The following NRXN3 variants were observed in gnomAD, a reference collection of about 807,000 sequenced individuals.
The protein encoded by NRXN3 is neurexin III.
NRXN3 carries 32 observed loss-of-function variants against 137.6 expected under a neutral mutation model. The observed-to-expected ratio is 0.23, with a 90% confidence interval of 0.18 to 0.31. The LOEUF is 0.31. Ranked by LOEUF, NRXN3 falls within the 10% of genes least tolerant of loss-of-function variation. The pLI is 1.00. For synonymous variants in NRXN3, 798 were observed against 784.5 expected, an observed-to-expected ratio of 1.02 and a Z score of -0.29; for missense variants, 1,574 against 2,062.5, an observed-to-expected ratio of 0.76 and a Z score of 4.59.
chr14:79,012,426 A>T (rs138312733), intron 15 of NRXN3, among the ~76,000 whole-genome samples: 2 of 152,200 alleles, frequency 1.3e-5, no homozygotes, highest in African/African-American at 4.8e-5. Context: ...CTTTAGGCCC[A>T]TGGTGATTAT....
At chr14:79,631,599 G>A (rs570031845) in intron 16 of NRXN3, among the ~76,000 whole-genome samples, 11 of 152,256 alleles carry the variant, frequency 7.2e-5, no homozygotes, top group Admixed American at 2.0e-4. Flanking sequence ...CGGAGTGCCC[G>A]TGCTAGGTTC....
chr14:79,808,012 A>G (rs2099215284), intron 20 of NRXN3, among the ~76,000 whole-genome samples: 1 of 151,948 alleles, frequency 6.6e-6, no homozygotes, highest in Middle Eastern at 3.2e-3. Flanking sequence ...TTCATTACAT[A>G]AGAAATATCT....
intron 15 of NRXN3, among the ~76,000 whole-genome samples, chr14:79,385,208 C>CT (rs945654919): frequency 2.1e-5 from 2 of 94,386 alleles, no homozygotes; most frequent in Admixed American, 2.5e-4. Context: ...TATCCTTCCC[C>CT]CCGCCCCCAC....
intron 15 of NRXN3, among the ~76,000 whole-genome samples, chr14:79,284,320 A>G (rs962714893): frequency 3.7e-5 from 5 of 133,736 alleles, no homozygotes; most frequent in Non-Finnish European, 7.9e-5. Context: ...CAACATGGGG[A>G]AACCCCGTCT....
chr14:78,449,596 C>T (rs540709820), intron 4 of NRXN3, among the ~76,000 whole-genome samples: 28 of 152,134 alleles, frequency 1.8e-4, no homozygotes, highest in South Asian at 2.1e-4. Context: ...TTTATTAGAG[C>T]GTTCACGTTT....
At chr14:79,203,386 A>G (rs942872185) in intron 15 of NRXN3, among the ~76,000 whole-genome samples, 1 of 152,228 alleles carries the variant, frequency 6.6e-6, no homozygotes, top group Non-Finnish European at 1.5e-5. Context: ...TGTGGCATCA[A>G]TAGATTTGAT....
chr14:79,149,012 A>T (rs979172658), intron 15 of NRXN3, among the ~76,000 whole-genome samples: 2 of 152,086 alleles, frequency 1.3e-5, no homozygotes, highest in Admixed American at 1.3e-4. Flanking sequence ...CCATCCCCAC[A>T]TTCTCCTCAA....
chr14:78,733,681 T>C (rs2098527649), intron 8 of NRXN3, among the ~76,000 whole-genome samples: 1 of 152,156 alleles, frequency 6.6e-6, no homozygotes, highest in Admixed American at 6.5e-5. Context: ...AGAGAGTAAG[T>C]GTGCAGGAAA....
intron 15 of NRXN3, among the ~76,000 whole-genome samples, chr14:79,110,219 A>G (rs1002606907): frequency 1.4e-4 from 22 of 152,260 alleles, no homozygotes; most frequent in African/African-American, 5.3e-4. Flanking sequence ...TAACAGAAAA[A>G]CTGAAGAGAG....
At chr14:78,483,795 AT>A (rs2095510950) in intron 4 of NRXN3, among the ~76,000 whole-genome samples, 1 of 152,216 alleles carries the variant, frequency 6.6e-6, no homozygotes. Context: ...TTACCCAACA[AT>A]TTTATTTCAT....
At chr14:79,593,284 A>G (rs1288163481) in intron 16 of NRXN3, among the ~76,000 whole-genome samples, 1 of 152,192 alleles carries the variant, frequency 6.6e-6, no homozygotes, top group African/African-American at 2.4e-5. Context: ...ATGGGAGTAT[A>G]AAGGTATTTT....
chr14:79,634,588 C>G (rs2098388766), intron 16 of NRXN3, among the ~76,000 whole-genome samples: 1 of 152,104 alleles, frequency 6.6e-6, no homozygotes, highest in Non-Finnish European at 1.5e-5. Context: ...CTTGATCATG[C>G]CCATTTTATA....
chr14:79,497,372 T>C (rs2096777316), intron 16 of NRXN3, among the ~76,000 whole-genome samples: 1 of 152,180 alleles, frequency 6.6e-6, no homozygotes, highest in Non-Finnish European at 1.5e-5. Flanking sequence ...GACCTGAGTG[T>C]CCCATCCCAG....
At chr14:79,373,763 T>C (rs1440044970) in intron 15 of NRXN3, among the ~76,000 whole-genome samples, 2 of 152,222 alleles carry the variant, frequency 1.3e-5, no homozygotes, top group Non-Finnish European at 2.9e-5. Flanking sequence ...AAGCAGTATT[T>C]ATTCTCTAAT....
At chr14:78,270,087 C>T (rs2205162) in intron 2 of NRXN3, among the ~76,000 whole-genome samples, 3 of 152,022 alleles carry the variant, frequency 2.0e-5, no homozygotes, top group Non-Finnish European at 4.4e-5. Flanking sequence ...GGTTAGGGCT[C>T]GAAGAGATTG....
chr14:78,380,810 A>G (rs906079788), intron 4 of NRXN3, among the ~76,000 whole-genome samples: 2 of 147,198 alleles, frequency 1.4e-5, no homozygotes, highest in East Asian at 2.0e-4. Context: ...TTTTTTTTAG[A>G]TATAGACAAG....
intron 8 of NRXN3, among the ~76,000 whole-genome samples, chr14:78,736,412 T>C (rs562362046): frequency 6.6e-6 from 1 of 152,166 alleles, no homozygotes; most frequent in African/African-American, 2.4e-5. Flanking sequence ...GCTGGATAAT[T>C]GTAATTGTCT....
At chr14:79,164,892 T>A (rs1187411750) in intron 15 of NRXN3, among the ~76,000 whole-genome samples, 1 of 151,990 alleles carries the variant, frequency 6.6e-6, no homozygotes, top group African/African-American at 2.4e-5. Flanking sequence ...TTTTTACCTA[T>A]AGCTGGAAAA....
intron 15 of NRXN3, among the ~76,000 whole-genome samples, chr14:79,435,881 A>G (rs767433609): frequency 2.0e-4 from 31 of 151,980 alleles, no homozygotes; most frequent in Admixed American, 3.3e-4. Context: ...GGATCCTCAC[A>G]CCTCGGCCTC....
Sources: gnomAD v4.1 joint callset for allele counts (sites outside exome capture counted in the v4.1 genomes callset) on GRCh38, gnomAD v4.1.1 for gene constraint, MANE v1.5 for transcripts, NCBI Gene and HGNC (gene_info 2026-07-23, HGNC 2026-07-21) for gene names.